The following VANGL1 variants were observed in gnomAD, a reference collection of about 807,000 sequenced individuals.
The protein encoded by VANGL1 is VANGL planar cell polarity protein 1, also known as vang-like protein 1.
A neutral mutation model predicts 48.4 loss-of-function variants in VANGL1; 18 were observed. That is an observed-to-expected ratio of 0.37 (90% CI 0.26 to 0.55). The LOEUF (loss-of-function observed/expected upper bound fraction) is 0.55. VANGL1 is among the 20% of genes least tolerant of loss of function. VANGL1 has a pLI of 0.81. For synonymous variants in VANGL1, 257 were observed against 261.8 expected, an observed-to-expected ratio of 0.98 and a Z score of 0.18; for missense variants, 667 against 675.8, an observed-to-expected ratio of 0.99 and a Z score of 0.14.
At position 115,651,504 on chromosome 1, in the gene VANGL1, T is replaced by C. The variant is rs367781047; in HGVS notation, c.71+20T>C. ...ACAAGGGTATGTAAGTTGTTCATTA[T>C]TACACTTTTCCTTTTGGGGAAACCT... On this transcript the variant is annotated intron_variant, in intron 2 of 7. Coordinates refer to ENST00000355485, the MANE Select transcript of VANGL1 (RefSeq NM_138959.3). The C allele has an allele frequency of 3.1e-6, 5 of 1,610,526 alleles. No individual in the cohort carries two copies. In the African/African-American group the frequency reaches 6.7e-5, roughly 22 times the overall value.
In VANGL1 at chr1:115,694,457, A is replaced by C. The variant is rs1653961093; in HGVS notation, c.*3078A>C. ...CTAGCTGTGCAGGTGTGTGTTGGAT[A>C]GGGATAAAGTGCTCACCCCTGCCCT... On this transcript the variant is annotated 3_prime_UTR_variant, in exon 8 of 8. Coordinates refer to ENST00000355485, the MANE Select transcript of VANGL1 (RefSeq NM_138959.3). 1 of 152,196 alleles carries C rather than the reference A, an allele frequency of 6.6e-6. No homozygotes were observed. Among genetic ancestry groups the C allele is most frequent in the Admixed American group, 6.5e-5 (1 of 15,272 alleles). The allele number at this position is 152,196 out of a possible 1,614,324, so 9.4% of individuals were successfully genotyped here. A position where few individuals can be genotyped will look rare whatever the true frequency, so the allele number is the denominator to read the frequency against.
intron 1 of VANGL1, among the ~76,000 whole-genome samples, chr1:115,647,390 G>A (rs1160814807): frequency 6.6e-6 from 1 of 152,170 alleles, no homozygotes; most frequent in Non-Finnish European, 1.5e-5. Context: ...AATTTCTTGT[G>A]TATGCAAGGG....
At position 115,697,592 on chromosome 1, in the gene VANGL1, A is replaced by G. The variant is rs1489769120; in HGVS notation, c.*6213A>G. ...TCACATTATAGATGACCCCTTCCTC[A>G]ACAGAAATGCTACTGAGAGAACCAG... On this transcript the variant is annotated 3_prime_UTR_variant, in exon 8 of 8. Transcript: ENST00000355485. 6.6e-6 allele frequency: 1 copy of G among 152,252 alleles called. No homozygotes were observed. Among genetic ancestry groups the G allele is most frequent in the Non-Finnish European group, 1.5e-5 (1 of 68,050 alleles). The allele number at this position is 152,252 out of a possible 1,614,324, so 9.4% of individuals were successfully genotyped here.
chr1:115,661,193 G>A (rs1355086961), intron 3 of VANGL1, among the ~76,000 whole-genome samples: 1 of 152,108 alleles, frequency 6.6e-6, no homozygotes. Context: ...TTTCTTTATT[G>A]AAAATCTAGG....
chr1:115,682,520 C>A (rs371727348), intron 5 of VANGL1, 23 bp downstream of exon 5: 32 of 1,613,948 alleles, frequency 2.0e-5, no homozygotes, highest in Admixed American at 1.7e-5. Flanking sequence ...AAAGGGTGTC[C>A]GTGGTGCTCA....
At chr1:115,679,984 A>AGTGTGT (rs768501546) in intron 4 of VANGL1, among the ~76,000 whole-genome samples, 188 of 137,504 alleles carry the variant, frequency 1.4e-3, no homozygotes, top group African/African-American at 3.4e-3. Flanking sequence ...CACACCAGGG[A>AGTGTGT]GTGTGTGTGT....
intron 4 of VANGL1, among the ~76,000 whole-genome samples, chr1:115,669,955 A>C (rs1168946558): frequency 6.6e-6 from 1 of 152,174 alleles, no homozygotes; most frequent in African/African-American, 2.4e-5. Flanking sequence ...TGGTCCCCCC[A>C]AATTCATATG....
At chr1:115,683,389 C>G (rs1169007880) in intron 5 of VANGL1, among the ~76,000 whole-genome samples, 1 of 152,174 alleles carries the variant, frequency 6.6e-6, no homozygotes, top group African/African-American at 2.4e-5. Flanking sequence ...ATTAACGGGT[C>G]ACGTTGCACA....
chr1:115,674,319 T>C (rs903613060), intron 4 of VANGL1, among the ~76,000 whole-genome samples: 3 of 152,202 alleles, frequency 2.0e-5, no homozygotes, highest in African/African-American at 7.2e-5. Context: ...ACTTATTGTT[T>C]GAGTGGTACT....
chr1:115,663,866 T>C lies in VANGL1; in HGVS notation c.410T>C (p.Leu137Pro). 6.2e-7 allele frequency: 1 copy of C among 1,614,248 alleles called. No homozygotes were observed. The highest frequency in any genetic ancestry group is 8.5e-7 in the Non-Finnish European group (1 of 1,180,046). ...PIAFILLPPI[L>P]WRDELEPCGT... ...GCCTTCATCCTTTTACCTCCGATCC[T>C]GTGGAGGGATGAGCTGGAGCCTTGT... The change falls in exon 4 of 8, where the codon CTG becomes CCG. Residue 137 changes from leucine (L) to proline (P), a missense_variant. By Grantham distance (98) the Leu-to-Pro change is moderately conservative (BLOSUM62 -3). Transcript: ENST00000355485.
intron 3 of VANGL1, among the ~76,000 whole-genome samples, chr1:115,661,474 A>T (rs936095755): frequency 1.0e-5 from 1 of 99,674 alleles, no homozygotes; most frequent in Non-Finnish European, 1.8e-5. Context: ...CCTGCTTAGC[A>T]TAATGATTTT....
At position 115,664,086 on chromosome 1, in the gene VANGL1, C is replaced by T. The variant is rs765391868; in HGVS notation, c.630C>T (p.Asp210=). The T allele has an allele frequency of 1.2e-6, 2 of 1,614,170 alleles. No individual in the cohort carries two copies. The highest frequency in any genetic ancestry group is 1.7e-6 in the Non-Finnish European group (2 of 1,180,038). ...YWLFYGVRIL[D]SRDRNYQGIV... ...TTTTTTACGGGGTCCGCATTTTGGA[C>T]TCTCGGGACCGGAATTACCAGGGCA... The change falls in exon 4 of 8, where the codon GAC becomes GAT. Residue 210 remains aspartate, a synonymous_variant. Transcript: ENST00000355485.
At position 115,689,785 on chromosome 1, in the gene VANGL1, A is replaced by G. The variant is rs550170620; in HGVS notation, c.1315-1334A>G. Among the ~76,000 whole-genome samples the G allele has an allele frequency of 4.7e-3, 648 of 137,410 alleles. 126 individuals are homozygous for G. Among genetic ancestry groups the G allele is most frequent in the African/African-American group, 0.017 (621 of 36,492 alleles). The allele number at this position is 137,410 out of a possible 152,430, so 90.1% of individuals were successfully genotyped here. ...AGCCTGGCCAACATGGTGAAACCCC[A>G]TCTCTACTAAAAACACAAAAATTAG... On this transcript the variant is annotated intron_variant, in intron 7 of 7. Coordinates refer to ENST00000355485, the MANE Select transcript of VANGL1 (RefSeq NM_138959.3).
At chr1:115,651,238 C>T in intron 1 of VANGL1, 39 bp from the exon 2 acceptor site, 1 of 621,862 alleles carries the variant, frequency 1.6e-6, no homozygotes, top group Non-Finnish European at 2.8e-6. Flanking sequence ...AAGGTTGGCT[C>T]TGAAGATTAA....
intron 4 of VANGL1, among the ~76,000 whole-genome samples, chr1:115,672,222 TTCC>T (rs1208686919): frequency 1.3e-5 from 2 of 152,212 alleles, no homozygotes; most frequent in Non-Finnish European, 2.9e-5. Context: ...CTGATTCCAC[TTCC>T]TTGGCGCTCT....
chr1:115,649,704 G>T (rs956872438), intron 1 of VANGL1, among the ~76,000 whole-genome samples: 2 of 152,156 alleles, frequency 1.3e-5, no homozygotes, highest in African/African-American at 2.4e-5. Context: ...TTTGACTGGG[G>T]CCTGATAGCT....
At position 115,689,859 on chromosome 1, in the gene VANGL1, G is replaced by C. The variant is rs1314167312; in HGVS notation, c.1315-1260G>C. On this transcript the variant is annotated intron_variant, in intron 7 of 7. Transcript: ENST00000355485. ...TAATCCCAGCTACTTAGGAGGCTGA[G>C]GCAAGAGAATCACTTGAACCCGGGA... 2.9e-5 allele frequency among the ~76,000 whole-genome samples: 4 copies of C among 136,350 alleles called. No individual in the cohort carries two copies. In the East Asian group the frequency reaches 8.4e-4, roughly 29 times the overall value. The allele number at this position is 136,350 out of a possible 152,430, so 89.5% of individuals were successfully genotyped here.
At chr1:115,650,265 C>T (rs114540105) in intron 1 of VANGL1, among the ~76,000 whole-genome samples, 15 of 152,198 alleles carry the variant, frequency 9.9e-5, no homozygotes, top group African/African-American at 1.7e-4. Context: ...CAGCTTCCAG[C>T]GGCTGGAAGA....
Position 115,691,555 on chromosome 1 carries a change from T to G in VANGL1, c.*176T>G. The G allele has an allele frequency of 2.9e-6, 2 of 701,534 alleles. No homozygotes were observed. The highest frequency in any genetic ancestry group is 4.5e-6 in the Non-Finnish European group (2 of 446,356). 43.5% of individuals were successfully genotyped at this position (701,534 alleles called of 1,614,324 possible). A position where few individuals can be genotyped will look rare whatever the true frequency, so the allele number is the denominator to read the frequency against. On this transcript the variant is annotated 3_prime_UTR_variant, in exon 8 of 8. Coordinates refer to ENST00000355485, the MANE Select transcript of VANGL1 (RefSeq NM_138959.3). ...TTTATTTGGAAGGAAGCAGGGGCTG[T>G]CCACCCTGAAAAAGAGTGACTGATG...
Sources: gnomAD v4.1 joint callset for allele counts (sites outside exome capture counted in the v4.1 genomes callset) on GRCh38, gnomAD v4.1.1 for gene constraint, MANE v1.5 for transcripts, NCBI Gene and HGNC (gene_info 2026-07-23, HGNC 2026-07-21) for gene names.